PSD3: variants seen among roughly 807,000 people sequenced by gnomAD.
PSD3 encodes pleckstrin and Sec7 domain containing 3.
Under a neutral mutation model 105.5 loss-of-function variants are expected in PSD3, and 49 were observed. The observed-to-expected ratio is 0.46, with a 90% CI of 0.37 to 0.59. PSD3 has a LOEUF of 0.59. Among genes scored for constraint, PSD3 ranks in the 20% least tolerant of loss-of-function variants. The probability of loss-of-function intolerance (pLI) is 0.00; values close to 1 mark genes in which losing one functional copy is unlikely to be tolerated. For missense variants in PSD3, 1,561 were observed against 1,263.8 expected, an observed-to-expected ratio of 1.24 and a Z score of -3.57; for synonymous variants, 557 against 457.8, an observed-to-expected ratio of 1.22 and a Z score of -2.77.
intron 11 of PSD3, among the ~76,000 whole-genome samples, chr8:18,618,533 ACATTTTATTG>A (rs1485980493): frequency 1.7e-4 from 25 of 146,650 alleles, no homozygotes; most frequent in South Asian, 4.5e-4. Flanking sequence ...TACTTATTAA[ACATTTTATTG>A]GCCATTAAAC....
chr8:18,816,083 G>A (rs1352917925), intron 4 of PSD3, among the ~76,000 whole-genome samples: 1 of 152,120 alleles, frequency 6.6e-6, no homozygotes, highest in Non-Finnish European at 1.5e-5. Context: ...GATCCAAAGG[G>A]TCATCTTCAT....
intron 2 of PSD3, among the ~76,000 whole-genome samples, chr8:18,881,284 C>T (rs1563380279): frequency 6.6e-6 from 1 of 152,200 alleles, no homozygotes; most frequent in East Asian, 1.9e-4. Flanking sequence ...ATTAAGTAGT[C>T]ATCTGTTTCT....
intron 9 of PSD3, among the ~76,000 whole-genome samples, chr8:18,756,717 C>T (rs1343379475): frequency 2.0e-5 from 3 of 146,718 alleles, no homozygotes; most frequent in Non-Finnish European, 3.0e-5. Context: ...AGAAGGGGAG[C>T]GGTGACAGGG....
intron 1 of PSD3, among the ~76,000 whole-genome samples, chr8:19,069,453 CAGA>C (rs1317805826): frequency 6.6e-6 from 1 of 152,136 alleles, no homozygotes; most frequent in East Asian, 1.9e-4. Context: ...AGTGCTTGGG[CAGA>C]AGCTGAATTT....
intron 12 of PSD3, among the ~76,000 whole-genome samples, chr8:18,591,302 G>C (rs1412315542): frequency 1.3e-5 from 2 of 152,112 alleles, no homozygotes; most frequent in East Asian, 1.9e-4. Context: ...GCTTTTCAGA[G>C]GGCTGCCTGG....
At chr8:18,770,746 G>C (rs534935072) in intron 8 of PSD3, among the ~76,000 whole-genome samples, 35 of 152,344 alleles carry the variant, frequency 2.3e-4, no homozygotes, top group Non-Finnish European at 3.2e-4. Context: ...TATGGCTTAA[G>C]TGTTAACAGC....
rs533937159 is a variant in PSD3, at chr8:18,818,827, C to T, written c.1635-13929G>A. ...AATCTTATATTAGTGACAGTCAGAA[C>T]CTCCTAACAGATTGTTAGAGTAAAT... On this transcript the variant is annotated intron_variant, in intron 4 of 15. Coordinates refer to ENST00000327040, the MANE Select transcript of PSD3 (RefSeq NM_015310.4). Among the ~76,000 whole-genome samples the T allele has an allele frequency of 3.2e-4, 48 of 152,166 alleles. 1 individual carries two copies. The highest frequency in any genetic ancestry group is 2.2e-3 in the Admixed American group (33 of 15,298).
intron 2 of PSD3, among the ~76,000 whole-genome samples, chr8:18,912,926 G>C (rs898510010): frequency 1.3e-5 from 2 of 151,832 alleles, no homozygotes; most frequent in Admixed American, 1.3e-4. Context: ...GCCCCAAGTG[G>C]GCTGCTGAGT....
chr8:18,744,798 T>G (rs376729405), intron 9 of PSD3, among the ~76,000 whole-genome samples: 39 of 152,328 alleles, frequency 2.6e-4, no homozygotes, highest in African/African-American at 9.4e-4. Flanking sequence ...TTACTGCCCT[T>G]GTCCTATTCC....
intron 10 of PSD3, among the ~76,000 whole-genome samples, chr8:18,642,542 A>G (rs1006790447): frequency 6.6e-6 from 1 of 152,158 alleles, no homozygotes; most frequent in Non-Finnish European, 1.5e-5. Context: ...ATACTAAGAA[A>G]AATGCTTTCT....
chr8:18,631,779 C>A (rs75356849), intron 11 of PSD3, among the ~76,000 whole-genome samples: 8,564 of 152,012 alleles, frequency 0.056, 327 homozygotes, highest in South Asian at 0.1. Flanking sequence ...AGCCACCCCA[C>A]TGCAATGTTT....
At chr8:18,895,453 T>C (rs1028249477) in intron 2 of PSD3, among the ~76,000 whole-genome samples, 2 of 152,218 alleles carry the variant, frequency 1.3e-5, no homozygotes, top group African/African-American at 4.8e-5. Flanking sequence ...CATTTACGCA[T>C]TTATATTCCT....
intron 8 of PSD3, among the ~76,000 whole-genome samples, chr8:18,791,909 A>G (rs1330225718): frequency 6.6e-6 from 1 of 152,202 alleles, no homozygotes; most frequent in African/African-American, 2.4e-5. Flanking sequence ...AAAAGTGGGC[A>G]AAGGACACAA....
intron 2 of PSD3, among the ~76,000 whole-genome samples, chr8:18,926,975 C>T (rs1821406320): frequency 6.6e-6 from 1 of 152,054 alleles, no homozygotes; most frequent in Non-Finnish European, 1.5e-5. Context: ...ATCAAGGATC[C>T]CACAACCCTT....
At chr8:18,686,299 C>T (rs949556402) in intron 9 of PSD3, among the ~76,000 whole-genome samples, 4 of 152,156 alleles carry the variant, frequency 2.6e-5, no homozygotes, top group African/African-American at 9.7e-5. Flanking sequence ...GGTAATATTG[C>T]AATCCCCACT....
intron 4 of PSD3, among the ~76,000 whole-genome samples, chr8:18,806,151 T>C (rs564139174): frequency 2.0e-5 from 3 of 152,296 alleles, no homozygotes; most frequent in African/African-American, 7.2e-5. Flanking sequence ...AAGGTGAAAC[T>C]GGCCTATATT....
chr8:18,857,061 T>A (rs1024523468), intron 4 of PSD3, among the ~76,000 whole-genome samples: 1 of 152,208 alleles, frequency 6.6e-6, no homozygotes, highest in Non-Finnish European at 1.5e-5. Context: ...TTGGAGGGAC[T>A]CCCTATCACC....
At chr8:18,811,533 T>C (rs531988162) in intron 4 of PSD3, among the ~76,000 whole-genome samples, 12 of 152,072 alleles carry the variant, frequency 7.9e-5, no homozygotes, top group African/African-American at 2.7e-4. Flanking sequence ...TGGAAAAAAA[T>C]AGAGCAAAGA....
intron 4 of PSD3, chr8:18,865,227 TATATATA>T (rs1816739037): frequency 2.3e-4 from 1 of 4,424 alleles, no homozygotes; most frequent in African/African-American, 1.0e-3. Flanking sequence ...TTCTATGTTA[TATATATA>T]TATATATATA....
Sources: gnomAD v4.1 joint callset for allele counts (sites outside exome capture counted in the v4.1 genomes callset) on GRCh38, gnomAD v4.1.1 for gene constraint, MANE v1.5 for transcripts, NCBI Gene and HGNC (gene_info 2026-07-23, HGNC 2026-07-21) for gene names.